The following SDK2 variants were observed in gnomAD, a reference collection of about 807,000 sequenced individuals.
SDK2 encodes protein sidekick-2.
A neutral mutation model predicts 253.9 loss-of-function variants in SDK2; 105 were observed. The ratio of observed to expected loss-of-function variants is 0.41; its 90% CI spans 0.35 to 0.49. The LOEUF is 0.49. Ranked by LOEUF, SDK2 falls within the 20% of genes least tolerant of loss-of-function variation. SDK2 has a pLI of 0.06. For missense variants in SDK2, 2,608 were observed against 3,003.0 expected (o/e 0.87, Z 3.07); for synonymous variants, 1,249 against 1,234.9 (o/e 1.01, Z -0.24).
chr17:73,446,397 A>G (rs2063453353), intron 5 of SDK2, among the ~76,000 whole-genome samples: 2 of 152,090 alleles, frequency 1.3e-5, no homozygotes, highest in Non-Finnish European at 2.9e-5. Flanking sequence ...TGTGACGCCG[A>G]TGGGTCAGTC....
intron 12 of SDK2, among the ~76,000 whole-genome samples, chr17:73,425,656 C>A (rs1258065023): frequency 6.6e-6 from 1 of 152,120 alleles, no homozygotes; most frequent in African/African-American, 2.4e-5. Context: ...TATAGGCGAG[C>A]ACCACCACGC....
rs1452844054 is a variant in SDK2 at position 73,447,967 on chromosome 17, A to T, written c.480-219T>A. Among the ~76,000 whole-genome samples, 1 of 151,946 alleles carries T rather than the reference A, an allele frequency of 6.6e-6. No individual in the cohort carries two copies. Among genetic ancestry groups the T allele is most frequent in the Non-Finnish European group, 1.5e-5 (1 of 67,980 alleles). On this transcript the variant is annotated intron_variant, in intron 4 of 44. Coordinates refer to ENST00000392650, the MANE Select transcript of SDK2 (RefSeq NM_001144952.2). The surrounding 1 kb of genome is among the most constrained non-coding windows in gnomAD (Gnocchi z 4.0). ...ACACGGTGCTGATGCTGTCAACCAGACCCAGAGACAGCACGTTCATGCCCA... is the reference window on the plus strand; with the variant it reads ...ACACGGTGCTGATGCTGTCAACCAGTCCCAGAGACAGCACGTTCATGCCCA...
chr17:73,350,746 C>T lies in SDK2; in HGVS notation c.5803G>A (p.Val1935Ile). ...PFYEEWWFLV[V>I]IALVGLIFIL... ...AAGATGAGGCCGACCAGGGCAATGACCACCAAGAACCACCACTCCTCATAG... is the reference window on the plus strand; with the variant it reads ...AAGATGAGGCCGACCAGGGCAATGATCACCAAGAACCACCACTCCTCATAG... Residue 1935 changes from valine to isoleucine, a missense_variant, in exon 42 of 45, where the codon GTC becomes ATC. Transcript: ENST00000392650. The T allele has an allele frequency of 6.2e-7, 1 of 1,613,378 alleles. No individual in the cohort carries two copies. Among genetic ancestry groups the T allele is most frequent in the Non-Finnish European group, 8.5e-7 (1 of 1,179,684 alleles).
chr17:73,626,010 C>T (rs1479170828), intron 1 of SDK2, among the ~76,000 whole-genome samples: 12 of 152,200 alleles, frequency 7.9e-5, no homozygotes, highest in Admixed American at 7.2e-4. Context: ...TTAGAGAACA[C>T]GTCAGGGCTA....
intron 2 of SDK2, among the ~76,000 whole-genome samples, chr17:73,474,513 G>A (rs551935669): frequency 6.6e-6 from 1 of 152,314 alleles, no homozygotes; most frequent in East Asian, 1.9e-4. Flanking sequence ...CTCTGGCTCT[G>A]CAGCATTTTC....
intron 1 of SDK2, among the ~76,000 whole-genome samples, chr17:73,561,623 C>T (rs1323727119): frequency 6.6e-6 from 1 of 152,222 alleles, no homozygotes; most frequent in Non-Finnish European, 1.5e-5. Flanking sequence ...GGTCTGGCCT[C>T]TGGTGGCCTC....
At chr17:73,632,906 T>A (rs535868144) in intron 1 of SDK2, among the ~76,000 whole-genome samples, 13 of 152,204 alleles carry the variant, frequency 8.5e-5, no homozygotes, top group Non-Finnish European at 1.8e-4. Flanking sequence ...TCCAGCAGCA[T>A]CAACCAGCTT....
chr17:73,492,775 A>T (rs1428359836), intron 2 of SDK2, among the ~76,000 whole-genome samples: 1 of 152,040 alleles, frequency 6.6e-6, no homozygotes, highest in Non-Finnish European at 1.5e-5. Flanking sequence ...CACAGGGGAG[A>T]GGTACCTGCA....
rs528837488 is a variant in SDK2 at position 73,527,886 on chromosome 17, G to A, written c.65-20289C>T. 2.0e-4 allele frequency among the ~76,000 whole-genome samples: 31 copies of A among 152,228 alleles called. No individual in the cohort carries two copies. The South Asian group carries it at 3.7e-3, about 18-fold the overall frequency. On this transcript the variant is annotated intron_variant, in intron 1 of 44. Coordinates refer to ENST00000392650, the MANE Select transcript of SDK2 (RefSeq NM_001144952.2). ...TGAGGGGAGAGGAGGTGGCTTTTTC[G>A]CTAGGATTCTGGTGCTGACGATGGG...
intron 1 of SDK2, among the ~76,000 whole-genome samples, chr17:73,550,812 T>G (rs1473174917): frequency 1.3e-5 from 2 of 152,082 alleles, no homozygotes; most frequent in African/African-American, 2.4e-5. Context: ...CTACCATCCC[T>G]AGGCCGGAGG....
intron 1 of SDK2, among the ~76,000 whole-genome samples, chr17:73,584,355 T>C (rs1415947501): frequency 6.6e-6 from 1 of 152,220 alleles, no homozygotes; most frequent in African/African-American, 2.4e-5. Context: ...CACCAGCTTT[T>C]CCAATAAGGT....
At chr17:73,409,682 T>C (rs1262017078) in intron 18 of SDK2, among the ~76,000 whole-genome samples, 1 of 152,028 alleles carries the variant, frequency 6.6e-6, no homozygotes, top group Non-Finnish European at 1.5e-5. Context: ...CTCATTCTTA[T>C]TGGAGGTATA....
chr17:73,613,304 T>C (rs2046001043), intron 1 of SDK2, among the ~76,000 whole-genome samples: 1 of 152,092 alleles, frequency 6.6e-6, no homozygotes, highest in Non-Finnish European at 1.5e-5. Flanking sequence ...CCCGTCTCCC[T>C]GGAGACGCCA....
intron 32 of SDK2, among the ~76,000 whole-genome samples, chr17:73,384,683 G>A (rs2062857935): frequency 6.6e-6 from 1 of 152,240 alleles, no homozygotes; most frequent in African/African-American, 2.4e-5. Flanking sequence ...AGCTGGGTGT[G>A]GTGGCATGTG....
chr17:73,429,979 C>G (rs1253673612), intron 12 of SDK2, among the ~76,000 whole-genome samples: 1 of 152,140 alleles, frequency 6.6e-6, no homozygotes, highest in African/African-American at 2.4e-5. Context: ...GGTGGGGTGA[C>G]CTCGGTTTGG....
At chr17:73,505,353 A>T (rs1418661867) in intron 2 of SDK2, among the ~76,000 whole-genome samples, 7 of 152,352 alleles carry the variant, frequency 4.6e-5, no homozygotes, top group Middle Eastern at 3.4e-3. Flanking sequence ...AATGGGGGGA[A>T]ATAACTGAAA....
In SDK2 at chr17:73,351,362, G is replaced by T. The variant is rs112146486; in HGVS notation, c.5759-572C>A. Among the ~76,000 whole-genome samples the T allele has an allele frequency of 4.6e-3, 693 of 152,202 alleles. 9 individuals are homozygous for T. The highest frequency in any genetic ancestry group is 0.016 in the African/African-American group (652 of 41,526). On this transcript the variant is annotated intron_variant, in intron 41 of 44. Coordinates refer to ENST00000392650, the MANE Select transcript of SDK2 (RefSeq NM_001144952.2). ...TGACCTCAGGTGATCCACCTGCCTC[G>T]GCCTCCCAAAGTGTTGGGATTACAG...
chr17:73,379,372 G>T lies in SDK2; in HGVS notation c.4864+76C>A. On this transcript the variant is annotated intron_variant, in intron 35 of 44. Coordinates refer to ENST00000392650, the MANE Select transcript of SDK2 (RefSeq NM_001144952.2). This position sits in a 1 kb window ranked among gnomAD's most constrained non-coding sequence, Gnocchi z 4.5. ...TGGGCTGGGCGGGATGGGGAGCCCA[G>T]ATCCCGTTTCTTCCAGCTGAACTGG... 1 of 1,492,208 alleles carries T rather than the reference G, an allele frequency of 6.7e-7. No homozygotes were observed. Among genetic ancestry groups the T allele is most frequent in the Non-Finnish European group, 9.2e-7 (1 of 1,086,268 alleles). The allele number at this position is 1,492,208 out of a possible 1,614,324, so 92.4% of individuals were successfully genotyped here.
At chr17:73,432,020 C>T (rs1166648230) in intron 10 of SDK2, among the ~76,000 whole-genome samples, 5 of 152,070 alleles carry the variant, frequency 3.3e-5, no homozygotes, top group Non-Finnish European at 5.9e-5. Context: ...AGCTGGCACC[C>T]GGGTTGGGGG....
Sources: gnomAD v4.1 joint callset for allele counts (sites outside exome capture counted in the v4.1 genomes callset) on GRCh38, gnomAD v4.1.1 for gene constraint, Gnocchi (gnomAD v3.1) non-coding constraint, MANE v1.5 for transcripts, NCBI Gene and HGNC (gene_info 2026-07-23, HGNC 2026-07-21) for gene names.